Variants in HEPHL1 observed in about 807,000 individuals in gnomAD.
HEPHL1 encodes the protein ferroxidase HEPHL1.
In HEPHL1, 123 loss-of-function variants were observed where a neutral mutation model predicts 122.0. That is an observed-to-expected ratio of 1.01 (90% CI 0.87 to 1.17). HEPHL1 has a LOEUF of 1.17. Among genes scored for constraint, HEPHL1 ranks in the 50% most tolerant of loss-of-function variants. HEPHL1 has a pLI of 0.00. For synonymous variants in HEPHL1, 527 were observed against 508.9 expected (o/e 1.04, Z -0.48); for missense variants, 1,452 against 1,430.5 (o/e 1.01, Z -0.24).
At position 94,073,161 on chromosome 11, in the gene HEPHL1, C is replaced by A; in HGVS notation, c.1369C>A (p.Leu457Ile). The A allele has an allele frequency of 6.2e-7, 1 of 1,613,076 alleles. No individual in the cohort carries two copies. The highest frequency in any genetic ancestry group is 8.5e-7 in the Non-Finnish European group (1 of 1,179,424). ...TGCTGAAGAAGCCCATCTTGGAATT[C>A]TTGGTACAGTAAAACCATCCCCCAT... ...LSAEEAHLGI[L>I]GPVIKAEVGD... Residue 457 changes from leucine to isoleucine, a missense_variant, in exon 7 of 20, where the codon CTT (leucine) becomes ATT (isoleucine). Transcript: ENST00000315765.
chr11:94,073,051 G>C lies in HEPHL1; in HGVS notation c.1259G>C (p.Gly420Ala). The change falls in exon 7 of 20, where the codon GGG becomes GCG. Residue 420 changes from glycine to alanine, a missense_variant. Transcript: ENST00000315765. ...GSDSDLYFTQGDNRIGGKYWK... is the reference protein window; with the variant it reads ...GSDSDLYFTQADNRIGGKYWK... ...GACTCTGATCTCTACTTCACACAAG[G>C]GGACAACAGAATAGGAGGAAAATAC... The C allele has an allele frequency of 6.2e-7, 1 of 1,612,794 alleles. No homozygotes were observed. The highest frequency in any genetic ancestry group is 8.5e-7 in the Non-Finnish European group (1 of 1,179,142).
At chr11:94,089,316 T>C (rs1181321328) in intron 12 of HEPHL1, among the ~76,000 whole-genome samples, 1 of 151,930 alleles carries the variant, frequency 6.6e-6, no homozygotes, top group Non-Finnish European at 1.5e-5. Context: ...GGGTGTATGA[T>C]GTGGGGTGAG....
At chr11:94,070,295 C>T in intron 5 of HEPHL1, 79 bp from the exon 6 acceptor site, 2 of 1,398,578 alleles carry the variant, frequency 1.4e-6, no homozygotes, top group Admixed American at 5.5e-5. Context: ...GTTCAAGAGC[C>T]AAATCTATCA....
intron 1 of HEPHL1, among the ~76,000 whole-genome samples, chr11:94,023,405 G>A (rs78920830): frequency 0.024 from 3,598 of 152,242 alleles, 145 homozygotes; most frequent in African/African-American, 0.083. Context: ...AGTTATCTGG[G>A]TTAATTCAAA....
At chr11:94,093,445 G>A (rs1029086797) in intron 12 of HEPHL1, 56 bp from the exon 13 acceptor site, 94 of 1,599,746 alleles carry the variant, frequency 5.9e-5, no homozygotes, top group Non-Finnish European at 7.3e-5. Context: ...ACTTAGAAGC[G>A]CTCAAAGCTT....
At chr11:94,021,991 C>A (rs993502687) in intron 1 of HEPHL1, among the ~76,000 whole-genome samples, 2 of 152,214 alleles carry the variant, frequency 1.3e-5, no homozygotes, top group Admixed American at 6.5e-5. Context: ...TGTTTTTCAA[C>A]GTTTAAAAGA....
chr11:94,055,424 C>A, intron 2 of HEPHL1: 2 of 229,988 alleles, frequency 8.7e-6, no homozygotes, highest in South Asian at 1.1e-4. Context: ...TCTGGGTGAT[C>A]AGTTCTCCAT....
chr11:94,069,251 A>G (rs1946056484), intron 5 of HEPHL1, among the ~76,000 whole-genome samples: 1 of 152,156 alleles, frequency 6.6e-6, no homozygotes, highest in Non-Finnish European at 1.5e-5. Context: ...TTCAGAAAAA[A>G]GTTATTGTAA....
At chr11:94,067,168 G>A (rs926446465) in intron 4 of HEPHL1, among the ~76,000 whole-genome samples, 2 of 152,178 alleles carry the variant, frequency 1.3e-5, no homozygotes, top group African/African-American at 4.8e-5. Flanking sequence ...GATTATGACA[G>A]AAGGTGACTG....
In HEPHL1 at chr11:94,095,670, CTGTTTG is replaced by C. The variant is rs1946305372; in HGVS notation, c.2434+2032_2434+2037del. The stretch of plus-strand genomic sequence containing the variant: ...CTATCCATGAGCATGGAATATTCTT[CTGTTTG>C]TTTGTGTCCTCTTTTATTTTGTTGA... On this transcript the variant is annotated intron_variant, in intron 13 of 19. Coordinates refer to ENST00000315765, the MANE Select transcript of HEPHL1 (RefSeq NM_001098672.2). 5.3e-5 allele frequency among the ~76,000 whole-genome samples: 8 copies of C among 152,242 alleles called. No individual in the cohort carries two copies. In the South Asian group the frequency reaches 1.0e-3, roughly 20 times the overall value.
intron 13 of HEPHL1, among the ~76,000 whole-genome samples, chr11:94,093,864 A>T (rs1312578411): frequency 6.6e-6 from 1 of 150,718 alleles, no homozygotes; most frequent in Non-Finnish European, 1.5e-5. Flanking sequence ...GATAATACAC[A>T]AATAGGAATC....
Position 94,063,560 on chromosome 11 carries a change from T to C in HEPHL1, c.468T>C (p.Val156=), listed in dbSNP as rs1224221228. ...TSGRNKNDDM[V]PPGKNYTYVW... ...GAAGGAACAAAAATGATGACATGGTTCCTCCTGGGAAAAACTACACCTACG... is the reference window on the plus strand; with the variant it reads ...GAAGGAACAAAAATGATGACATGGTCCCTCCTGGGAAAAACTACACCTACG... The change falls in exon 3 of 20, where the codon GTT becomes GTC. Residue 156 remains valine, a synonymous_variant. Coordinates refer to ENST00000315765, the MANE Select transcript of HEPHL1 (RefSeq NM_001098672.2). 2 of 1,613,500 alleles carry C rather than the reference T, an allele frequency of 1.2e-6. No homozygotes were observed. Among genetic ancestry groups the C allele is most frequent in the Non-Finnish European group, 1.7e-6 (2 of 1,179,720 alleles).
chr11:94,093,439 A>G lies in HEPHL1; in HGVS notation c.2295-62A>G. On this transcript the variant is annotated intron_variant, in intron 12 of 19. Transcript: ENST00000315765. ...TCTCCAGAATACCCCTGAATCACTT[A>G]GAAGCGCTCAAAGCTTTTCTGCTTT... 2.5e-6 allele frequency: 4 copies of G among 1,592,454 alleles called. No homozygotes were observed. In the South Asian group the frequency reaches 3.3e-5, roughly 13 times the overall value.
At chr11:94,042,872 T>TAAAAAAAAAAAAAAAAAAAAAA (rs1181820453) in intron 1 of HEPHL1, among the ~76,000 whole-genome samples, 1 of 1,204 alleles carries the variant, frequency 8.3e-4, no homozygotes, top group African/African-American at 1.9e-3. Context: ...ACTTAAAGTA[T>TAAAAAAAAAAAAAAAAAAAAAA]AATAAAAAAA....
At chr11:94,037,188 T>C (rs920550997) in intron 1 of HEPHL1, among the ~76,000 whole-genome samples, 8 of 152,178 alleles carry the variant, frequency 5.3e-5, no homozygotes, top group East Asian at 3.9e-4. Flanking sequence ...CACCACGAGA[T>C]TATATCCCGC....
chr11:94,045,821 G>A lies in HEPHL1; in HGVS notation c.319G>A (p.Glu107Lys), dbSNP rs747731426. The stretch of plus-strand genomic sequence containing the variant: ...ATTCCTGGGCCCCATCTTGAGGGCC[G>A]AAGTGGGTGATGTGATTGTCATTCA... The part of the protein sequence containing the change: ...LGFLGPILRA[E>K]VGDVIVIHLK... The change falls in exon 2 of 20, where the codon GAA becomes AAA. Residue 107 changes from glutamate to lysine, a missense_variant. Physicochemically the swap from Glu to Lys is moderately conservative, Grantham distance 56. Transcript: ENST00000315765. The A allele has an allele frequency of 2.3e-5, 37 of 1,613,766 alleles. No individual in the cohort carries two copies. The highest frequency in any genetic ancestry group is 1.6e-4 in the Middle Eastern group (1 of 6,084).
intron 2 of HEPHL1, among the ~76,000 whole-genome samples, chr11:94,047,179 C>A (rs891912078): frequency 1.3e-5 from 2 of 152,176 alleles, no homozygotes; most frequent in African/African-American, 4.8e-5. Flanking sequence ...TAAGGTGTAA[C>A]TATGAATGCA....
intron 5 of HEPHL1, among the ~76,000 whole-genome samples, chr11:94,068,314 T>C (rs893167223): frequency 1.3e-5 from 2 of 152,184 alleles, no homozygotes; most frequent in African/African-American, 4.8e-5. Context: ...TCGAATTATT[T>C]AATTTCGTTT....
intron 13 of HEPHL1, among the ~76,000 whole-genome samples, chr11:94,094,032 G>C (rs1366202414): frequency 8.3e-6 from 1 of 119,806 alleles, no homozygotes; most frequent in East Asian, 2.6e-4. Flanking sequence ...AAGTTCTAGG[G>C]TACATGTGCA....
Sources: gnomAD v4.1 joint callset for allele counts (sites outside exome capture counted in the v4.1 genomes callset) on GRCh38, gnomAD v4.1.1 for gene constraint, MANE v1.5 for transcripts, NCBI Gene and HGNC (gene_info 2026-07-23, HGNC 2026-07-21) for gene names.